HABP2: variants seen among roughly 807,000 people sequenced by gnomAD.
HABP2 encodes hyaluronan binding protein 2.
A neutral mutation model predicts 66.5 loss-of-function variants in HABP2; 65 were observed. The observed-to-expected ratio is 0.98, with a 90% CI of 0.80 to 1.20. HABP2 has a LOEUF of 1.20. HABP2 is among the 50% of genes most tolerant of loss of function. The pLI, the probability that HABP2 is intolerant of heterozygous loss-of-function variation, is 0.00. For synonymous variants in HABP2, 263 were observed against 253.9 expected, an observed-to-expected ratio of 1.04 and a Z score of -0.34; for missense variants, 786 against 691.0, an observed-to-expected ratio of 1.14 and a Z score of -1.54.
In HABP2 at chr10:113,588,993, C is replaced by CTTCT; in HGVS notation, c.*627_*630dup. On this transcript the variant is annotated 3_prime_UTR_variant, in exon 13 of 13. Transcript: ENST00000351270. ...ACATGGCTCACAACAGCAGGGCCTT[C>CTTCT]TTCTTTTTGACGTGCAGAATCTCAG... is the stretch of plus-strand genomic sequence containing the variant. 1 of 1,611,372 alleles carries CTTCT rather than the reference C, an allele frequency of 6.2e-7. No homozygotes were observed. Among genetic ancestry groups the CTTCT allele is most frequent in the Non-Finnish European group, 8.5e-7 (1 of 1,179,820 alleles).
At chr10:113,560,414 G>A (rs908218289) in intron 1 of HABP2, among the ~76,000 whole-genome samples, 18 of 152,312 alleles carry the variant, frequency 1.2e-4, no homozygotes, top group Middle Eastern at 3.4e-3. Flanking sequence ...CTCAGGCCTC[G>A]CTGGTAGGTA....
At chr10:113,582,797 C>T (rs1474292587) in intron 9 of HABP2, among the ~76,000 whole-genome samples, 1 of 152,206 alleles carries the variant, frequency 6.6e-6, no homozygotes, top group Non-Finnish European at 1.5e-5. Flanking sequence ...GCTGGTCCAA[C>T]AAAGTCTGGG....
intron 4 of HABP2, 93 bp from the exon 5 acceptor site, chr10:113,577,057 T>TC: frequency 1.3e-6 from 1 of 765,970 alleles, no homozygotes; most frequent in South Asian, 1.5e-5. Flanking sequence ...ACAGACACTG[T>TC]CAGTCACCCC....
intron 1 of HABP2, among the ~76,000 whole-genome samples, chr10:113,566,375 C>G (rs1845198074): frequency 6.6e-6 from 1 of 152,212 alleles, no homozygotes. Flanking sequence ...TTTGCTGACC[C>G]CTGATTAAAG....
At chr10:113,572,817 CTG>C (rs1845338229) in intron 2 of HABP2, 3 of 314,074 alleles carry the variant, frequency 9.6e-6, no homozygotes, top group Non-Finnish European at 1.3e-5. Context: ...TGACTTGACA[CTG>C]TGATAAATGA....
At chr10:113,558,724 C>T (rs540347273) in intron 1 of HABP2, among the ~76,000 whole-genome samples, 20 of 152,284 alleles carry the variant, frequency 1.3e-4, no homozygotes, top group African/African-American at 4.1e-4. Context: ...TGATGCCTAG[C>T]GGGGGAGTTA....
intron 1 of HABP2, among the ~76,000 whole-genome samples, chr10:113,557,728 G>A (rs1290633383): frequency 3.3e-5 from 5 of 152,190 alleles, no homozygotes; most frequent in Non-Finnish European, 5.9e-5. Context: ...GACAACAGTG[G>A]CTATTAATAA....
chr10:113,574,519 G>A (rs1845373746), intron 3 of HABP2, 114 bp downstream of exon 3: 1 of 621,336 alleles, frequency 1.6e-6, no homozygotes, highest in African/African-American at 1.8e-5. Flanking sequence ...TTGTGAAATA[G>A]CTATGGAAGA....
intron 12 of HABP2, among the ~76,000 whole-genome samples, chr10:113,586,290 TAC>T (rs1845631884): frequency 6.6e-6 from 1 of 152,080 alleles, no homozygotes; most frequent in Non-Finnish European, 1.5e-5. Flanking sequence ...ATTTGAACAA[TAC>T]AGTCTGCAGG....
At chr10:113,559,590 T>A (rs1845063840) in intron 1 of HABP2, among the ~76,000 whole-genome samples, 1 of 152,186 alleles carries the variant, frequency 6.6e-6, no homozygotes. Flanking sequence ...GTGTGTTGTG[T>A]TCCCAGCCCA....
chr10:113,561,518 C>T lies in HABP2; in HGVS notation c.70-5971C>T, dbSNP rs566149800. 7.2e-5 allele frequency among the ~76,000 whole-genome samples: 11 copies of T among 152,270 alleles called. No homozygotes were observed. The East Asian group carries it at 9.6e-4, about 13-fold the overall frequency. ...CCTCCCCAGCTGCCCTTGGGAGTAA[C>T]GCACCTCCCTGGTGGTTGGCAACAT... On this transcript the variant is annotated intron_variant, in intron 1 of 12. Transcript: ENST00000351270.
At chr10:113,553,231 A>G in intron 1 of HABP2, 41 bp downstream of exon 1, 3 of 1,438,004 alleles carry the variant, frequency 2.1e-6, no homozygotes, top group Non-Finnish European at 2.0e-6. Context: ...AGAGACTCCG[A>G]AGTTTACTAG....
At position 113,588,942 on chromosome 10, in the gene HABP2, C is replaced by T; in HGVS notation, c.*573C>T. ...CCTGTCTCTGGTGAACAAACTTCCT[C>T]TCTGGCCTCTCAGGAATCAGGGTGG... is the stretch of plus-strand genomic sequence containing the variant. On this transcript the variant is annotated 3_prime_UTR_variant, in exon 13 of 13. Transcript: ENST00000351270. 6.4e-7 allele frequency: 1 copy of T among 1,559,276 alleles called. No individual in the cohort carries two copies.
At chr10:113,559,178 T>C (rs1592682130) in intron 1 of HABP2, among the ~76,000 whole-genome samples, 1 of 152,296 alleles carries the variant, frequency 6.6e-6, no homozygotes, top group East Asian at 1.9e-4. Context: ...TAAAAGGGCT[T>C]CCAAGAGCAT....
chr10:113,584,950 A>C (rs2133785237), intron 11 of HABP2, among the ~76,000 whole-genome samples: 1 of 152,342 alleles, frequency 6.6e-6, no homozygotes, highest in South Asian at 2.1e-4. Flanking sequence ...ACTACAAAAA[A>C]AATTCAGAAA....
intron 8 of HABP2, among the ~76,000 whole-genome samples, chr10:113,581,598 A>G (rs952929247): frequency 6.6e-6 from 1 of 152,238 alleles, no homozygotes. Flanking sequence ...CATAAACATA[A>G]TGTGTGTGTG....
chr10:113,587,298 C>G (rs1247505333), intron 12 of HABP2, among the ~76,000 whole-genome samples: 1 of 151,708 alleles, frequency 6.6e-6, no homozygotes, highest in African/African-American at 2.4e-5. Context: ...GCCTGGGCAA[C>G]AAAGCGAGAC....
In HABP2 at chr10:113,581,963, G is replaced by A. The variant is rs1420486720; in HGVS notation, c.926G>A (p.Arg309Lys). 1 of 1,614,112 alleles carries A rather than the reference G, an allele frequency of 6.2e-7. No individual in the cohort carries two copies. The highest frequency in any genetic ancestry group is 1.3e-5 in the African/African-American group (1 of 74,954). ...TGTGGAAAGACTGAGATAGCAGAGA[G>A]GAAGATCAAGAGAATCTATGGAGGC... ...DSCGKTEIAE[R>K]KIKRIYGGFK... The change falls in exon 9 of 13, where the codon AGG becomes AAG. Residue 309 changes from arginine (R) to lysine (K), a missense_variant. Physicochemically the swap from Arg to Lys is conservative, Grantham distance 26. Transcript: ENST00000351270.
At chr10:113,581,077 T>G (rs1845519911) in intron 8 of HABP2, among the ~76,000 whole-genome samples, 1 of 152,172 alleles carries the variant, frequency 6.6e-6, no homozygotes, top group African/African-American at 2.4e-5. Context: ...AGCCTCACAG[T>G]CTTCCTGGCC....
Sources: allele counts gnomAD v4.1 joint callset (sites outside exome capture counted in the v4.1 genomes callset), GRCh38; gene constraint gnomAD v4.1.1; transcripts MANE v1.5; gene names NCBI Gene and HGNC (gene_info 2026-07-23, HGNC 2026-07-21).